The following KCNN2 variants were observed in gnomAD, a reference collection of about 807,000 sequenced individuals.
KCNN2 encodes potassium calcium-activated channel subfamily N member 2, also known as small conductance calcium-activated potassium channel protein 2.
Under a neutral mutation model 55.5 loss-of-function variants are expected in KCNN2, and 24 were observed. That is an observed-to-expected ratio of 0.43 (90% CI 0.31 to 0.61). KCNN2 has a LOEUF of 0.61. KCNN2 is among the 20% of genes least tolerant of loss of function. The probability of loss-of-function intolerance (pLI) is 0.08; values close to 1 mark genes in which losing one functional copy is unlikely to be tolerated. For synonymous variants in KCNN2, 431 were observed against 336.1 expected, an observed-to-expected ratio of 1.28 and a Z score of -3.09; for missense variants, 754 against 853.6, an observed-to-expected ratio of 0.88 and a Z score of 1.45.
At chr5:114,403,073 A>G (rs1045211583) in intron 2 of KCNN2, among the ~76,000 whole-genome samples, 2 of 152,230 alleles carry the variant, frequency 1.3e-5, no homozygotes, top group Non-Finnish European at 2.9e-5. Context: ...GGAGTGATAC[A>G]TTGAGACTTG....
chr5:114,299,547 G>A (rs1487139181), intron 2 of KCNN2, among the ~76,000 whole-genome samples: 1 of 152,032 alleles, frequency 6.6e-6, no homozygotes. Context: ...GTTTCTTTCT[G>A]GGGGGATAGG....
At chr5:114,250,402 C>CT (rs1754835743) in intron 2 of KCNN2, among the ~76,000 whole-genome samples, 2 of 151,950 alleles carry the variant, frequency 1.3e-5, no homozygotes, top group African/African-American at 4.8e-5. Context: ...TGGAAGTGTC[C>CT]CTTTTATTGA....
intron 2 of KCNN2, among the ~76,000 whole-genome samples, chr5:114,253,290 A>G (rs376640334): frequency 6.6e-6 from 1 of 152,212 alleles, no homozygotes; most frequent in East Asian, 1.9e-4. Context: ...AGGCTACCTT[A>G]TGGAAATGCA....
chr5:114,423,413 T>C (rs1666329604), intron 3 of KCNN2, among the ~76,000 whole-genome samples: 1 of 152,182 alleles, frequency 6.6e-6, no homozygotes, highest in Non-Finnish European at 1.5e-5. Flanking sequence ...AATCAAAAGC[T>C]AACTTCTCCA....
At chr5:114,209,380 T>G (rs1042034984) in intron 1 of KCNN2, among the ~76,000 whole-genome samples, 1 of 152,018 alleles carries the variant, frequency 6.6e-6, no homozygotes, top group Non-Finnish European at 1.5e-5. Context: ...CTTCTTACTC[T>G]TCATCTCCTT....
intron 1 of KCNN2, among the ~76,000 whole-genome samples, chr5:114,067,637 G>T (rs1009812377): frequency 6.6e-6 from 1 of 152,080 alleles, no homozygotes; most frequent in African/African-American, 2.4e-5. Flanking sequence ...AGAAAATTTG[G>T]AAGGAATGGA....
In KCNN2 at chr5:114,382,372, A is replaced by T. The variant is rs562223958; in HGVS notation, c.1218+18371A>T. Among the ~76,000 whole-genome samples, 9 of 152,224 alleles carry T rather than the reference A, an allele frequency of 5.9e-5. No individual in the cohort carries two copies. In the South Asian group the frequency reaches 1.9e-3, roughly 32 times the overall value. ...TGGAGAGGTTTACTAAATAAAGTAA[A>T]TTTTTGTCTGTAGTGGATATTCCCC... On this transcript the variant is annotated intron_variant, in intron 2 of 7. Transcript: ENST00000673685.
chr5:114,445,062 CAT>C (rs1423319249), intron 3 of KCNN2, among the ~76,000 whole-genome samples: 1 of 152,014 alleles, frequency 6.6e-6, no homozygotes, highest in Non-Finnish European at 1.5e-5. Flanking sequence ...ACAGTAGTAA[CAT>C]AACATATGTG....
intron 6 of KCNN2, 39 bp from the exon 7 acceptor site, chr5:114,493,364 A>G (rs773023377): frequency 1.6e-6 from 2 of 1,275,582 alleles, no homozygotes; most frequent in South Asian, 2.4e-5. Context: ...TTGCCATAGG[A>G]AGAAGGGAAC....
intron 2 of KCNN2, among the ~76,000 whole-genome samples, chr5:114,239,875 G>T (rs1754582785): frequency 6.6e-6 from 1 of 152,118 alleles, no homozygotes; most frequent in African/African-American, 2.4e-5. Flanking sequence ...ATAACCAAAA[G>T]ATATATTAGA....
intron 2 of KCNN2, among the ~76,000 whole-genome samples, chr5:114,282,202 C>G (rs975250585): frequency 6.6e-6 from 1 of 151,880 alleles, no homozygotes; most frequent in Non-Finnish European, 1.5e-5. Context: ...AGATTTGTTT[C>G]TAATTTCTTT....
chr5:114,187,817 C>CT (rs1289521116), intron 1 of KCNN2, among the ~76,000 whole-genome samples: 1,556 of 131,272 alleles, frequency 0.012, 27 homozygotes, highest in African/African-American at 0.041. Flanking sequence ...CCTTTTTTTT[C>CT]TTTTTTTTTT....
intron 1 of KCNN2, among the ~76,000 whole-genome samples, chr5:114,217,295 C>A (rs1011550866): frequency 6.6e-6 from 1 of 152,040 alleles, no homozygotes; most frequent in Non-Finnish European, 1.5e-5. Flanking sequence ...CAACAGCCAA[C>A]ACAATACCGA....
intron 1 of KCNN2, among the ~76,000 whole-genome samples, chr5:114,215,891 A>C (rs957764459): frequency 6.6e-6 from 1 of 152,206 alleles, no homozygotes; most frequent in African/African-American, 2.4e-5. Flanking sequence ...AATAAGACTA[A>C]GAGATAAATA....
intron 2 of KCNN2, among the ~76,000 whole-genome samples, chr5:114,286,354 C>A (rs1186285340): frequency 6.6e-6 from 1 of 152,048 alleles, no homozygotes; most frequent in Non-Finnish European, 1.5e-5. Flanking sequence ...GGATGCTCAA[C>A]ATGTTAGTCT....
At chr5:114,305,002 T>C (rs1756239568) in intron 2 of KCNN2, among the ~76,000 whole-genome samples, 1 of 152,152 alleles carries the variant, frequency 6.6e-6, no homozygotes, top group Non-Finnish European at 1.5e-5. Flanking sequence ...TTTTTTAAGA[T>C]TATATCAGTC....
intron 5 of KCNN2, among the ~76,000 whole-genome samples, chr5:114,484,453 T>C (rs1762364002): frequency 1.3e-5 from 2 of 152,178 alleles, no homozygotes; most frequent in Non-Finnish European, 2.9e-5. Flanking sequence ...GCACTTACAC[T>C]GCCTAAATTT....
intron 2 of KCNN2, among the ~76,000 whole-genome samples, chr5:114,244,753 T>A (rs1022971869): frequency 2.0e-5 from 3 of 152,142 alleles, no homozygotes; most frequent in African/African-American, 7.2e-5. Flanking sequence ...CTTCCTGGCT[T>A]GGTGTTTATG....
chr5:114,244,944 G>A (rs1045322293), intron 2 of KCNN2, among the ~76,000 whole-genome samples: 4 of 152,216 alleles, frequency 2.6e-5, no homozygotes, highest in East Asian at 1.9e-4. Flanking sequence ...AACAATGCAG[G>A]TGAAACTCTT....
Sources: allele counts gnomAD v4.1 joint callset (sites outside exome capture counted in the v4.1 genomes callset), GRCh38; gene constraint gnomAD v4.1.1; transcripts MANE v1.5; gene names NCBI Gene and HGNC (gene_info 2026-07-23, HGNC 2026-07-21).